Variants in ZCCHC7 observed in about 807,000 individuals in gnomAD.
ZCCHC7 encodes zinc finger CCHC-type containing 7.
A neutral mutation model predicts 52.0 loss-of-function variants in ZCCHC7; 35 were observed. The ratio of observed to expected loss-of-function variants is 0.67; its 90% CI spans 0.51 to 0.89. The LOEUF (loss-of-function observed/expected upper bound fraction) is 0.89. ZCCHC7 is among the 40% of genes least tolerant of loss of function. The pLI is 0.00. For synonymous variants in ZCCHC7, 217 were observed against 221.5 expected, an observed-to-expected ratio of 0.98 and a Z score of 0.18; for missense variants, 574 against 649.1, an observed-to-expected ratio of 0.88 and a Z score of 1.26.
chr9:37,124,344 A>G (rs1842450659), intron 1 of ZCCHC7, among the ~76,000 whole-genome samples: 1 of 151,848 alleles, frequency 6.6e-6, no homozygotes, highest in Non-Finnish European at 1.5e-5. Context: ...TCGAAAGACA[A>G]CAGAGAAATT....
At chr9:37,220,343 C>T (rs1039144725) in intron 2 of ZCCHC7, among the ~76,000 whole-genome samples, 2 of 152,054 alleles carry the variant, frequency 1.3e-5, no homozygotes, top group African/African-American at 4.8e-5. Context: ...GAGTTCTAGA[C>T]CAGCCTGGCC....
intron 2 of ZCCHC7, among the ~76,000 whole-genome samples, chr9:37,228,052 C>T (rs1412027537): frequency 2.6e-5 from 4 of 152,158 alleles, no homozygotes; most frequent in Non-Finnish European, 5.9e-5. Context: ...CTGCGTCGGA[C>T]TCTCAAAGTG....
intron 5 of ZCCHC7, among the ~76,000 whole-genome samples, chr9:37,314,749 T>TA (rs34853130): frequency 0.016 from 1,930 of 120,818 alleles, 16 homozygotes; most frequent in East Asian, 0.05. Context: ...CGATCTCTTT[T>TA]AAAAAAAAAA....
chr9:37,321,801 A>G (rs1830064522), intron 5 of ZCCHC7, among the ~76,000 whole-genome samples: 1 of 152,164 alleles, frequency 6.6e-6, no homozygotes, highest in Non-Finnish European at 1.5e-5. Context: ...AAATAAAGTG[A>G]AACTAATTTA....
chr9:37,260,872 A>G (rs916940987), intron 2 of ZCCHC7, among the ~76,000 whole-genome samples: 1 of 152,252 alleles, frequency 6.6e-6, no homozygotes, highest in Non-Finnish European at 1.5e-5. Context: ...AATGGAGTTC[A>G]GACAAACTGC....
chr9:37,320,987 C>CTTTTTTTTTTTT, intron 5 of ZCCHC7, among the ~76,000 whole-genome samples: 1 of 116,226 alleles, frequency 8.6e-6, no homozygotes, highest in Non-Finnish European at 1.8e-5. Flanking sequence ...TTTCTTTTTT[C>CTTTTTTTTTTTT]TTTTTTTTTT....
chr9:37,296,929 T>TG (rs1828816304), intron 2 of ZCCHC7, among the ~76,000 whole-genome samples: 2 of 55,040 alleles, frequency 3.6e-5, no homozygotes, highest in African/African-American at 5.2e-5. Flanking sequence ...GTGTGTGTGT[T>TG]TCGTAGAGAT....
At chr9:37,158,001 T>A (rs994349786) in intron 2 of ZCCHC7, among the ~76,000 whole-genome samples, 1 of 152,256 alleles carries the variant, frequency 6.6e-6, no homozygotes, top group Non-Finnish European at 1.5e-5. Flanking sequence ...CCATGTTACG[T>A]TAGAGTATAT....
chr9:37,238,091 CAG>C (rs1825733597), intron 2 of ZCCHC7, among the ~76,000 whole-genome samples: 1 of 152,056 alleles, frequency 6.6e-6, no homozygotes, highest in South Asian at 2.1e-4. Flanking sequence ...ACAGAAATAT[CAG>C]AGTCTTGACC....
chr9:37,326,876 T>C (rs940708401), intron 5 of ZCCHC7: 6 of 152,084 alleles, frequency 3.9e-5, no homozygotes, highest in African/African-American at 1.4e-4. Flanking sequence ...TCCATTCGCT[T>C]TTAAGAATCA....
intron 2 of ZCCHC7, among the ~76,000 whole-genome samples, chr9:37,184,008 C>T (rs1822510558): frequency 6.6e-6 from 1 of 152,106 alleles, no homozygotes; most frequent in South Asian, 2.1e-4. Context: ...AGGGGTTGGA[C>T]TTTTATTGGA....
At chr9:37,146,328 T>G (rs1843434039) in intron 2 of ZCCHC7, among the ~76,000 whole-genome samples, 1 of 151,890 alleles carries the variant, frequency 6.6e-6, no homozygotes, top group East Asian at 1.9e-4. Context: ...GGCCCTTGCT[T>G]TCTGATATTT....
chr9:37,198,740 T>G (rs1823424985), intron 2 of ZCCHC7, among the ~76,000 whole-genome samples: 1 of 152,188 alleles, frequency 6.6e-6, no homozygotes, highest in African/African-American at 2.4e-5. Context: ...TCTAGTACAG[T>G]ATCTTAGGGA....
At chr9:37,178,086 A>C (rs531154115) in intron 2 of ZCCHC7, among the ~76,000 whole-genome samples, 8 of 152,234 alleles carry the variant, frequency 5.3e-5, no homozygotes, top group Non-Finnish European at 8.8e-5. Context: ...TCGTTGTACT[A>C]TCTTCACAAT....
chr9:37,234,201 T>C (rs1477199309), intron 2 of ZCCHC7, among the ~76,000 whole-genome samples: 2 of 152,210 alleles, frequency 1.3e-5, no homozygotes, highest in African/African-American at 4.8e-5. Context: ...CTTAGGCATT[T>C]ATCTGTTCTC....
intron 6 of ZCCHC7, among the ~76,000 whole-genome samples, chr9:37,346,505 A>G (rs1274683098): frequency 1.3e-5 from 2 of 152,054 alleles, no homozygotes; most frequent in Non-Finnish European, 2.9e-5. Flanking sequence ...GCAAAACCCC[A>G]TCTCTACTAA....
In ZCCHC7 at chr9:37,126,756, T is replaced by G; in HGVS notation, c.424T>G (p.Ser142Ala). The G allele has an allele frequency of 6.2e-7, 1 of 1,614,126 alleles. No homozygotes were observed. The highest frequency in any genetic ancestry group is 8.5e-7 in the Non-Finnish European group (1 of 1,180,020). The change falls in exon 2 of 9, where the codon TCT (serine) becomes GCT (alanine). Residue 142 changes from serine to alanine, a missense_variant. This residue lies in a region of ZCCHC7 where 403 missense variants were observed against 461.2 expected (regional missense o/e 0.87). Transcript: ENST00000336755. ...KCKSDIEKPK[S>A]EERSGVIREV... ...CAAGAGTGATATTGAGAAGCCTAAA[T>G]CTGAAGAGAGATCAGGTGTAATCCG... is the stretch of plus-strand genomic sequence containing the variant.
At chr9:37,122,894 G>A (rs1039189013) in intron 1 of ZCCHC7, among the ~76,000 whole-genome samples, 8 of 152,218 alleles carry the variant, frequency 5.3e-5, no homozygotes, top group Non-Finnish European at 1.0e-4. Flanking sequence ...CCGAGATTGC[G>A]CCACTGCACT....
At chr9:37,137,861 G>T (rs1428265243) in intron 2 of ZCCHC7, among the ~76,000 whole-genome samples, 1 of 152,074 alleles carries the variant, frequency 6.6e-6, no homozygotes, top group African/African-American at 2.4e-5. Flanking sequence ...CCCTCCTTTG[G>T]CATTCATCGT....
Sources: gnomAD v4.1 joint callset for allele counts (sites outside exome capture counted in the v4.1 genomes callset) on GRCh38, gnomAD v4.1.1 for gene constraint, gnomAD v4.1.1 regional missense constraint, MANE v1.5 for transcripts, NCBI Gene and HGNC (gene_info 2026-07-23, HGNC 2026-07-21) for gene names.